Variants in ZNF292 observed in about 807,000 individuals in gnomAD.
ZNF292 encodes the protein 16 zinc-finger domain protein.
In ZNF292, 26 loss-of-function variants were observed where a neutral mutation model predicts 217.9. That is an observed-to-expected ratio of 0.12 (90% CI 0.09 to 0.17). The LOEUF (loss-of-function observed/expected upper bound fraction) is 0.17. Among genes scored for constraint, ZNF292 ranks in the 10% least tolerant of loss-of-function variants. ZNF292 has a pLI of 1.00. For synonymous variants in ZNF292, 1,257 were observed against 1,124.1 expected, an observed-to-expected ratio of 1.12 and a Z score of -2.37; for missense variants, 2,904 against 3,175.2, an observed-to-expected ratio of 0.91 and a Z score of 2.05.
chr6:87,231,763 T>G (rs1773668612), intron 4 of ZNF292, among the ~76,000 whole-genome samples: 1 of 152,218 alleles, frequency 6.6e-6, no homozygotes, highest in Non-Finnish European at 1.5e-5. Context: ...TTCTTCACCA[T>G]GATCTTTTAG....
chr6:87,259,626 C>G lies in ZNF292; in HGVS notation c.5997C>G (p.Ala1999=). ...GRKSQSENVP[A]SRSTQVKKQL... ...AATCTCAGAGTGAAAATGTGCCGGCCTCACGAAGTACACAAGTGAAAAAAC... is the reference window on the plus strand; with the variant it reads ...AATCTCAGAGTGAAAATGTGCCGGCGTCACGAAGTACACAAGTGAAAAAAC... Residue 1999 remains alanine, a synonymous_variant, in exon 8 of 8, where the codon GCC becomes GCG. Coordinates refer to ENST00000369577, the MANE Select transcript of ZNF292 (RefSeq NM_015021.3). 1 of 1,582,474 alleles carries G rather than the reference C, an allele frequency of 6.3e-7. No individual in the cohort carries two copies. The highest frequency in any genetic ancestry group is 8.6e-7 in the Non-Finnish European group (1 of 1,163,604).
At chr6:87,212,582 C>A (rs1459211955) in intron 1 of ZNF292, among the ~76,000 whole-genome samples, 2 of 152,136 alleles carry the variant, frequency 1.3e-5, no homozygotes, top group Non-Finnish European at 2.9e-5. Context: ...GGACAAAGAC[C>A]AGTTATTTTT....
intron 1 of ZNF292, among the ~76,000 whole-genome samples, chr6:87,202,549 A>G (rs1304385392): frequency 6.6e-6 from 1 of 152,168 alleles, no homozygotes; most frequent in Admixed American, 6.5e-5. Flanking sequence ...AAGCAGTGAT[A>G]GGCATTTTTG....
chr6:87,168,294 C>A (rs1015465086), intron 1 of ZNF292, among the ~76,000 whole-genome samples: 2 of 152,224 alleles, frequency 1.3e-5, no homozygotes, highest in Middle Eastern at 3.4e-3. Flanking sequence ...CCAGTGTCAT[C>A]AAAAAATGTT....
chr6:87,175,129 CT>C (rs1464751125), intron 1 of ZNF292, among the ~76,000 whole-genome samples: 2 of 152,130 alleles, frequency 1.3e-5, no homozygotes, highest in Admixed American at 6.5e-5. Context: ...TCTTTCTCAT[CT>C]TTTTGCTTCA....
chr6:87,164,887 C>T (rs973494089), intron 1 of ZNF292, among the ~76,000 whole-genome samples: 3 of 151,406 alleles, frequency 2.0e-5, no homozygotes, highest in African/African-American at 4.9e-5. Context: ...CTCCGCCTCC[C>T]AAGTAGGTGG....
intron 1 of ZNF292, among the ~76,000 whole-genome samples, chr6:87,182,321 A>G (rs1771495539): frequency 1.3e-5 from 2 of 152,202 alleles, no homozygotes; most frequent in Non-Finnish European, 2.9e-5. Flanking sequence ...GAAACATCAA[A>G]TGAGAACTTT....
At chr6:87,244,073 A>G (rs548579378) in intron 6 of ZNF292, among the ~76,000 whole-genome samples, 4 of 152,306 alleles carry the variant, frequency 2.6e-5, no homozygotes, top group Admixed American at 6.5e-5. Flanking sequence ...TAACACTGAC[A>G]ATTTATCTGG....
rs1034259088 is a variant in ZNF292 at position 87,262,026 on chromosome 6, T to G, written c.*225T>G. The stretch of plus-strand genomic sequence containing the variant: ...TCAGTACTTCAGTTATTGTAAATAG[T>G]GAGCTAAACCTCAAATTTCTATCAC... On this transcript the variant is annotated 3_prime_UTR_variant, in exon 8 of 8. Coordinates refer to ENST00000369577, the MANE Select transcript of ZNF292 (RefSeq NM_015021.3). 3.1e-6 allele frequency: 1 copy of G among 319,206 alleles called. No homozygotes were observed. The highest frequency in any genetic ancestry group is 5.1e-5 in the East Asian group (1 of 19,478). The allele number at this position is 319,206 out of a possible 1,614,324, so 19.8% of individuals were successfully genotyped here. A position where few individuals can be genotyped will look rare whatever the true frequency, so the allele number is the denominator to read the frequency against.
rs1562187186 is a variant in ZNF292, at chr6:87,257,769, T to C, written c.4140T>C (p.Cys1380=). The change falls in exon 8 of 8, where the codon TGT becomes TGC. Residue 1380 remains cysteine (C), a synonymous_variant. Coordinates refer to ENST00000369577, the MANE Select transcript of ZNF292 (RefSeq NM_015021.3). ...IRDGKFICSR[C]YRAFTNPRSL... ...ATGGGAAATTTATCTGTAGCAGGTGTTACAGGGCTTTTACTAATCCCAGAT... is the reference window on the plus strand; with the variant it reads ...ATGGGAAATTTATCTGTAGCAGGTGCTACAGGGCTTTTACTAATCCCAGAT... 8 of 1,613,802 alleles carry C rather than the reference T, an allele frequency of 5.0e-6. No homozygotes were observed. The highest frequency in any genetic ancestry group is 5.9e-6 in the Non-Finnish European group (7 of 1,179,812).
chr6:87,155,849 C>A, intron 1 of ZNF292, 90 bp downstream of exon 1: 2 of 1,416,398 alleles, frequency 1.4e-6, no homozygotes, highest in Non-Finnish European at 1.9e-6. Flanking sequence ...GTGGTCGCCG[C>A]TTCCTTGGCA....
chr6:87,165,511 T>C (rs898382330), intron 1 of ZNF292, among the ~76,000 whole-genome samples: 3 of 152,228 alleles, frequency 2.0e-5, no homozygotes, highest in Non-Finnish European at 2.9e-5. Context: ...ACCATACTTA[T>C]CTTTACTATG....
chr6:87,190,351 G>A (rs1233613203), intron 1 of ZNF292, among the ~76,000 whole-genome samples: 1 of 152,198 alleles, frequency 6.6e-6, no homozygotes, highest in African/African-American at 2.4e-5. Context: ...AAGATCCTAG[G>A]AGATTTTTAA....
At chr6:87,227,313 A>C (rs1562155294) in intron 4 of ZNF292, among the ~76,000 whole-genome samples, 1 of 152,152 alleles carries the variant, frequency 6.6e-6, no homozygotes, top group Non-Finnish European at 1.5e-5. Context: ...TACCAATTAA[A>C]TTAGACTCTC....
intron 5 of ZNF292, among the ~76,000 whole-genome samples, chr6:87,240,148 G>A (rs970189816): frequency 4.6e-5 from 7 of 152,202 alleles, no homozygotes; most frequent in African/African-American, 1.7e-4. Flanking sequence ...TTAGGAGCTG[G>A]AGACCAGCCC....
At chr6:87,189,673 A>G (rs1203270640) in intron 1 of ZNF292, among the ~76,000 whole-genome samples, 1 of 152,026 alleles carries the variant, frequency 6.6e-6, no homozygotes. Flanking sequence ...CCACAGAGAT[A>G]AAGTGCCATC....
chr6:87,243,477 T>A lies in ZNF292; in HGVS notation c.744T>A (p.Ile248=). The change falls in exon 6 of 8, where the codon ATT becomes ATA. Residue 248 remains isoleucine (I), a splice_region_variant and synonymous_variant. Coordinates refer to ENST00000369577, the MANE Select transcript of ZNF292 (RefSeq NM_015021.3). The part of the protein sequence containing the change: ...SSPNGKLIEE[I]SEVDCKDALE... ...ATTTCTATTGGCTTTTTCTTTAGAT[T>A]TCAGAAGTTGATTGCAAAGATGCAC... 6.5e-7 allele frequency: 1 copy of A among 1,544,788 alleles called. No individual in the cohort carries two copies. The highest frequency in any genetic ancestry group is 8.7e-7 in the Non-Finnish European group (1 of 1,145,938).
intron 6 of ZNF292, among the ~76,000 whole-genome samples, chr6:87,244,342 A>G (rs1774460652): frequency 6.6e-6 from 1 of 152,236 alleles, no homozygotes; most frequent in South Asian, 2.1e-4. Context: ...AAAGGCAGAA[A>G]GATTCTGAAG....
intron 4 of ZNF292, among the ~76,000 whole-genome samples, chr6:87,230,474 C>T (rs900328375): frequency 2.6e-5 from 4 of 152,238 alleles, no homozygotes; most frequent in South Asian, 2.1e-4. Context: ...GGGCTCACAC[C>T]TGTAATCCCA....
Sources: gnomAD v4.1 joint callset for allele counts (sites outside exome capture counted in the v4.1 genomes callset) on GRCh38, gnomAD v4.1.1 for gene constraint, MANE v1.5 for transcripts, NCBI Gene and HGNC (gene_info 2026-07-23, HGNC 2026-07-21) for gene names.